The following TET1 variants were observed in gnomAD, a reference collection of about 807,000 sequenced individuals.
The protein encoded by TET1 is tet methylcytosine dioxygenase 1, also known as methylcytosine dioxygenase TET1.
A neutral mutation model predicts 148.7 loss-of-function variants in TET1; 13 were observed. The observed-to-expected ratio is 0.09, with a 90% confidence interval of 0.06 to 0.14. The LOEUF (loss-of-function observed/expected upper bound fraction) is 0.14, where lower values mean the gene tolerates loss of function less well. Among genes scored for constraint, TET1 ranks in the 10% least tolerant of loss-of-function variants. TET1 has a pLI of 1.00. For missense variants in TET1, 2,182 were observed against 2,553.8 expected (o/e 0.85, Z 3.14); for synonymous variants, 907 against 937.2 (o/e 0.97, Z 0.59).
At chr10:68,649,041 A>C (rs1250759170) in intron 4 of TET1, among the ~76,000 whole-genome samples, 1 of 152,254 alleles carries the variant, frequency 6.6e-6, no homozygotes, top group Non-Finnish European at 1.5e-5. Flanking sequence ...AGTTTCTTGA[A>C]TTAAGGAGAG....
intron 2 of TET1, among the ~76,000 whole-genome samples, chr10:68,586,143 G>A (rs1453629676): frequency 1.3e-5 from 2 of 152,134 alleles, no homozygotes; most frequent in Non-Finnish European, 2.9e-5. Context: ...TAACTAGCTA[G>A]GACTATACAT....
At chr10:68,640,544 CTTT>C (rs60460824) in intron 3 of TET1, among the ~76,000 whole-genome samples, 2,937 of 42,562 alleles carry the variant, frequency 0.069, 18 homozygotes, top group South Asian at 0.12. Flanking sequence ...TTCTTTCTTT[CTTT>C]TTTTTTTTTT....
chr10:68,607,281 T>A lies in TET1; in HGVS notation c.1968+6247T>A, dbSNP rs976574508. Among the ~76,000 whole-genome samples the A allele has an allele frequency of 3.3e-5, 5 of 152,308 alleles. No homozygotes were observed. In the East Asian group the frequency reaches 9.6e-4, roughly 29 times the overall value. ...GTGTTTGTGTTTTGATAGTGCCGGA[T>A]TCATACTGTTTCTGAGTTGTACTTT... is the stretch of plus-strand genomic sequence containing the variant. On this transcript the variant is annotated intron_variant, in intron 3 of 11. Transcript: ENST00000373644.
At chr10:68,677,408 A>G (rs1369027263) in intron 8 of TET1, among the ~76,000 whole-genome samples, 1 of 152,246 alleles carries the variant, frequency 6.6e-6, no homozygotes, top group African/African-American at 2.4e-5. Flanking sequence ...AACAACAACA[A>G]CAACAAAACT....
chr10:68,680,700 A>G (rs1038124547), intron 8 of TET1, among the ~76,000 whole-genome samples: 1 of 152,244 alleles, frequency 6.6e-6, no homozygotes, highest in Non-Finnish European at 1.5e-5. Flanking sequence ...TATCAGTAGC[A>G]ATCCAGATTT....
chr10:68,638,079 A>T (rs750044809), intron 3 of TET1, among the ~76,000 whole-genome samples: 9 of 152,110 alleles, frequency 5.9e-5, no homozygotes, highest in Non-Finnish European at 1.2e-4. Context: ...ATGACCAGCC[A>T]ATCTTTTCTT....
chr10:68,647,098 AT>A (rs5030660), intron 4 of TET1, 93 bp downstream of exon 4: 53,112 of 1,369,014 alleles, frequency 0.039, 1,297 homozygotes, highest in Non-Finnish European at 0.043. Flanking sequence ...TTTGTGTGAT[AT>A]TTTTTCCCCA....
rs140901894 is a variant in TET1 at position 68,615,630 on chromosome 10, G to A, written c.1968+14596G>A. ...CAAAGTGCTAGGATTACAGGCATGA[G>A]CCACTGCGTCCAGGCAAGAACAGTG... On this transcript the variant is annotated intron_variant, in intron 3 of 11. Transcript: ENST00000373644. 3.8e-4 allele frequency among the ~76,000 whole-genome samples: 58 copies of A among 152,060 alleles called. 1 individual carries two copies. The East Asian group carries it at 7.9e-3, about 21-fold the overall frequency.
intron 2 of TET1, among the ~76,000 whole-genome samples, chr10:68,597,043 T>TTTTTTTTTTTTTTTTTTTTTG (rs2053997512): frequency 6.9e-6 from 1 of 144,280 alleles, no homozygotes; most frequent in Non-Finnish European, 1.5e-5. Flanking sequence ...TTTTTTTTTT[T>TTTTTTTTTTTTTTTTTTTTTG]TTTTTTTTGA....
chr10:68,655,775 G>C (rs780871470), intron 6 of TET1, among the ~76,000 whole-genome samples: 6 of 152,090 alleles, frequency 3.9e-5, no homozygotes, highest in African/African-American at 1.4e-4. Flanking sequence ...TTGGATATCT[G>C]TCTGTGTTGC....
chr10:68,608,880 A>AG (rs1393899255), intron 3 of TET1, among the ~76,000 whole-genome samples: 1 of 152,114 alleles, frequency 6.6e-6, no homozygotes, highest in African/African-American at 2.4e-5. Flanking sequence ...AATACAAAAG[A>AG]GGGGTCTCAA....
Position 68,690,881 on chromosome 10 carries a change from C to T in TET1, c.5478C>T (p.Asp1826=), listed in dbSNP as rs761725017. The change falls in exon 12 of 12, where the codon GAC becomes GAT. Residue 1826 remains aspartate (D), a synonymous_variant. Transcript: ENST00000373644. The part of the protein sequence containing the change: ...TEPHFILKSS[D]NTKTYSLMPS... ...CCCATTTTATCTTAAAAAGTTCAGA[C>T]AACACTAAAACTTATTCGCTGATGC... 9.9e-6 allele frequency: 16 copies of T among 1,614,178 alleles called. No individual in the cohort carries two copies. The highest frequency in any genetic ancestry group is 1.4e-5 in the Non-Finnish European group (16 of 1,180,024).
intron 8 of TET1, chr10:68,674,820 T>G: frequency 2.1e-6 from 1 of 477,768 alleles, no homozygotes; most frequent in Non-Finnish European, 4.0e-6. Flanking sequence ...AACAAGTTGA[T>G]GGAAATCATG....
intron 3 of TET1, among the ~76,000 whole-genome samples, chr10:68,611,654 CTTTTCTTTTCTTTTCTTT>C (rs2054213274): frequency 1.4e-5 from 2 of 138,792 alleles, no homozygotes; most frequent in African/African-American, 5.1e-5. Context: ...CCCTTTCTTT[CTTTTCTTTTCTTTTCTTT>C]TCTTTCTTTT....
At chr10:68,657,178 T>A (rs1027007855) in intron 6 of TET1, among the ~76,000 whole-genome samples, 5 of 151,998 alleles carry the variant, frequency 3.3e-5, no homozygotes, top group South Asian at 4.2e-4. Context: ...CAAAAAAAAT[T>A]TTTTTTCTTT....
chr10:68,574,045 C>T lies in TET1; in HGVS notation c.1707C>T (p.Val569=). The T allele has an allele frequency of 6.2e-7, 1 of 1,614,172 alleles. No individual in the cohort carries two copies. ...TGGTGACTATGCCAGTGCCAATGGT[C>T]AGTACCTCCTCTTCTTCCTATACCA... ...TTVVTMPVPM[V]STSSSSYTTL... The change falls in exon 2 of 12, where the codon GTC becomes GTT. Residue 569 remains valine, a synonymous_variant. Transcript: ENST00000373644.
chr10:68,574,015 C>T lies in TET1; in HGVS notation c.1677C>T (p.Thr559=), dbSNP rs1234034933. The T allele has an allele frequency of 9.3e-6, 15 of 1,614,100 alleles. No individual in the cohort carries two copies. The highest frequency in any genetic ancestry group is 1.2e-5 in the Non-Finnish European group (14 of 1,180,000). The stretch of plus-strand genomic sequence containing the variant: ...CCAGCACAGTTCATGTTGTCAACAC[C>T]ACAGTGGTGACTATGCCAGTGCCAA... ...SVTSTVHVVN[T]TVVTMPVPMV... Residue 559 remains threonine (T), a synonymous_variant, in exon 2 of 12, where the codon ACC becomes ACT. Coordinates refer to ENST00000373644, the MANE Select transcript of TET1 (RefSeq NM_030625.3).
chr10:68,671,546 C>T (rs9919474), intron 7 of TET1, among the ~76,000 whole-genome samples: 23,786 of 152,188 alleles, frequency 0.16, 2,131 homozygotes, highest in African/African-American at 0.22. Flanking sequence ...ACGATTTATA[C>T]TCCTTTGGGT....
At chr10:68,661,196 A>ATTTTTT (rs974912892) in intron 6 of TET1, among the ~76,000 whole-genome samples, 11 of 78,610 alleles carry the variant, frequency 1.4e-4, no homozygotes, top group African/African-American at 5.6e-4. Flanking sequence ...CGCCTGGCTA[A>ATTTTTT]TTTTTTTTTT....
Sources: allele counts gnomAD v4.1 joint callset (sites outside exome capture counted in the v4.1 genomes callset), GRCh38; gene constraint gnomAD v4.1.1; transcripts MANE v1.5; gene names NCBI Gene and HGNC (gene_info 2026-07-23, HGNC 2026-07-21).